The following HMBOX1 variants were observed in gnomAD, a reference collection of about 807,000 sequenced individuals.
The protein encoded by HMBOX1 is homeobox containing 1, also known as homeobox-containing protein 1.
A neutral mutation model predicts 54.5 loss-of-function variants in HMBOX1; 14 were observed. The observed-to-expected ratio is 0.26, with a 90% CI of 0.17 to 0.40. The LOEUF (loss-of-function observed/expected upper bound fraction) is 0.40. Among genes scored for constraint, HMBOX1 ranks in the 10% least tolerant of loss-of-function variants. HMBOX1 has a pLI of 1.00. For missense variants in HMBOX1, 332 were observed against 514.4 expected, an observed-to-expected ratio of 0.65 and a Z score of 3.43; for synonymous variants, 160 against 181.0, an observed-to-expected ratio of 0.88 and a Z score of 0.93.
At chr8:29,017,830 TAAAG>T (rs1293012342) in intron 5 of HMBOX1, among the ~76,000 whole-genome samples, 3 of 152,162 alleles carry the variant, frequency 2.0e-5, no homozygotes, top group Admixed American at 1.3e-4. Context: ...CAAGGTACAA[TAAAG>T]AGAGTATTAA....
rs151132598 is a variant in HMBOX1, at chr8:28,960,427, T to C, written c.-57-3384T>C. Among the ~76,000 whole-genome samples, 451 of 152,084 alleles carry C rather than the reference T, an allele frequency of 3.0e-3. 3 individuals are homozygous for C. The highest frequency in any genetic ancestry group is 0.011 in the African/African-American group (438 of 41,540). On this transcript the variant is annotated intron_variant, in intron 1 of 9. Coordinates refer to ENST00000287701, the MANE Select transcript of HMBOX1 (RefSeq NM_001135726.3). Reference sequence around the variant, plus strand: ...TATATATATGAAATTAAACCTTTTGTTTTACCGTGTTTGTGATCAATTATG... The same window carrying C: ...TATATATATGAAATTAAACCTTTTGCTTTACCGTGTTTGTGATCAATTATG...
intron 1 of HMBOX1, among the ~76,000 whole-genome samples, chr8:28,941,595 T>G: frequency 6.6e-6 from 1 of 152,206 alleles, no homozygotes; most frequent in East Asian, 1.9e-4. Context: ...AGATTTCACT[T>G]TAGAAAGTAG....
At chr8:29,046,216 C>T (rs1230647702) in intron 7 of HMBOX1, 1 of 152,218 alleles carries the variant, frequency 6.6e-6, no homozygotes, top group African/African-American at 2.4e-5. Context: ...GCAATGTAGA[C>T]CCTACAAACT....
chr8:28,930,312 C>T (rs938329098), intron 1 of HMBOX1, among the ~76,000 whole-genome samples: 2 of 152,124 alleles, frequency 1.3e-5, no homozygotes, highest in Non-Finnish European at 2.9e-5. Flanking sequence ...TAAATTTCTT[C>T]CTTTCTGTTC....
chr8:28,919,817 C>G (rs138097963), intron 1 of HMBOX1, among the ~76,000 whole-genome samples: 254 of 152,200 alleles, frequency 1.7e-3, no homozygotes, highest in African/African-American at 5.5e-3. Context: ...ATGACCTAAG[C>G]AAGAACAAGC....
chr8:28,901,701 A>G (rs73239199), intron 1 of HMBOX1, among the ~76,000 whole-genome samples: 1 of 152,312 alleles, frequency 6.6e-6, no homozygotes, highest in Non-Finnish European at 1.5e-5. Context: ...AAATTGTGCC[A>G]TATGCCAAAT....
intron 4 of HMBOX1, among the ~76,000 whole-genome samples, chr8:29,001,700 C>A (rs1391997049): frequency 6.6e-6 from 1 of 152,106 alleles, no homozygotes; most frequent in African/African-American, 2.4e-5. Flanking sequence ...TTATCACATG[C>A]GTCTGTATAT....
intron 1 of HMBOX1, among the ~76,000 whole-genome samples, chr8:28,925,492 T>A (rs915056645): frequency 1.3e-5 from 2 of 152,226 alleles, no homozygotes; most frequent in African/African-American, 4.8e-5. Flanking sequence ...CTCTCAGTTA[T>A]GTGGTGGTAA....
intron 4 of HMBOX1, among the ~76,000 whole-genome samples, chr8:28,981,995 T>C (rs944239069): frequency 6.6e-6 from 1 of 151,988 alleles, no homozygotes; most frequent in African/African-American, 2.4e-5. Context: ...CCCAGCACTT[T>C]GGGAGGCCGA....
intron 3 of HMBOX1, among the ~76,000 whole-genome samples, chr8:28,972,969 C>T (rs1827677990): frequency 6.6e-6 from 1 of 152,092 alleles, no homozygotes; most frequent in Non-Finnish European, 1.5e-5. Context: ...GACACTTTAT[C>T]TTTTTCCATT....
chr8:28,982,258 T>C (rs1180592167), intron 4 of HMBOX1, among the ~76,000 whole-genome samples: 1 of 152,036 alleles, frequency 6.6e-6, no homozygotes, highest in Non-Finnish European at 1.5e-5. Context: ...AAATACTGAA[T>C]ACTGCTCTAA....
intron 1 of HMBOX1, among the ~76,000 whole-genome samples, chr8:28,936,249 A>T (rs1386642575): frequency 1.3e-5 from 2 of 152,038 alleles, no homozygotes; most frequent in African/African-American, 4.8e-5. Flanking sequence ...GGAATCAAAC[A>T]TGGGTGTAAT....
At chr8:28,942,177 A>G (rs962562933) in intron 1 of HMBOX1, among the ~76,000 whole-genome samples, 3 of 152,204 alleles carry the variant, frequency 2.0e-5, no homozygotes, top group Non-Finnish European at 4.4e-5. Context: ...AGCCAGATGG[A>G]AAAAGACACC....
intron 4 of HMBOX1, among the ~76,000 whole-genome samples, chr8:29,008,855 AT>A (rs1275411393): frequency 6.6e-6 from 1 of 152,208 alleles, no homozygotes; most frequent in African/African-American, 2.4e-5. Flanking sequence ...GTCTTAATTA[AT>A]AAACTGCCTT....
intron 3 of HMBOX1, among the ~76,000 whole-genome samples, chr8:28,979,440 T>C (rs987297914): frequency 1.3e-5 from 2 of 152,216 alleles, no homozygotes; most frequent in South Asian, 4.1e-4. Context: ...TTATATATAA[T>C]ACAAAATGTA....
chr8:28,961,404 T>C (rs987469750), intron 1 of HMBOX1, among the ~76,000 whole-genome samples: 1 of 152,188 alleles, frequency 6.6e-6, no homozygotes, highest in Non-Finnish European at 1.5e-5. Context: ...TGCTACTTTC[T>C]GTCTCTGTGA....
intron 6 of HMBOX1, among the ~76,000 whole-genome samples, chr8:29,042,877 G>T (rs1234379582): frequency 2.0e-5 from 3 of 152,148 alleles, no homozygotes; most frequent in South Asian, 4.1e-4. Context: ...TGGGTGGGGG[G>T]ATTAAGCAGT....
At chr8:28,963,070 C>T (rs1411342626) in intron 1 of HMBOX1, among the ~76,000 whole-genome samples, 4 of 152,046 alleles carry the variant, frequency 2.6e-5, no homozygotes, top group African/African-American at 7.2e-5. Flanking sequence ...CTGCAACCGC[C>T]GCCTCCCAGG....
At chr8:28,901,668 A>T (rs1374209853) in intron 1 of HMBOX1, among the ~76,000 whole-genome samples, 1 of 152,210 alleles carries the variant, frequency 6.6e-6, no homozygotes, top group Non-Finnish European at 1.5e-5. Context: ...CAAGTCATTT[A>T]AGAGGTTACT....
Sources: allele counts gnomAD v4.1 joint callset (sites outside exome capture counted in the v4.1 genomes callset), GRCh38; gene constraint gnomAD v4.1.1; transcripts MANE v1.5; gene names NCBI Gene and HGNC (gene_info 2026-07-23, HGNC 2026-07-21).